HYDIN: variants seen among roughly 807,000 people sequenced by gnomAD.
HYDIN encodes HYDIN axonemal central pair apparatus protein, also known as axonemal central pair apparatus protein HYDIN.
In HYDIN, 132 loss-of-function variants were observed where a neutral mutation model predicts 403.9. The ratio of observed to expected loss-of-function variants is 0.33; its 90% CI spans 0.28 to 0.38. The LOEUF is 0.38. HYDIN is among the 10% of genes least tolerant of loss of function. The probability of loss-of-function intolerance (pLI) is 1.00; values close to 1 mark genes in which losing one functional copy is unlikely to be tolerated. For missense variants in HYDIN, 2,827 were observed against 5,009.5 expected, an observed-to-expected ratio of 0.56 and a Z score of 13.15; for synonymous variants, 1,202 against 1,891.7, an observed-to-expected ratio of 0.64 and a Z score of 9.46.
intron 45 of HYDIN, among the ~76,000 whole-genome samples, chr16:70,930,831 A>G (rs2077298159): frequency 6.6e-6 from 1 of 152,240 alleles, no homozygotes; most frequent in Non-Finnish European, 1.5e-5. Flanking sequence ...GAATTATAAT[A>G]CAATACAGAG....
At chr16:71,067,110 C>T in intron 15 of HYDIN, 180 bp downstream of exon 15, 1 of 598,898 alleles carries the variant, frequency 1.7e-6, no homozygotes, top group Non-Finnish European at 3.0e-6. Flanking sequence ...TTATCTCCAC[C>T]AAAGGTGCTT....
At chr16:71,117,923 A>T (rs934786403) in intron 9 of HYDIN, among the ~76,000 whole-genome samples, 14 of 151,692 alleles carry the variant, frequency 9.2e-5, no homozygotes, top group Non-Finnish European at 1.5e-5. Context: ...CAAGGGCTTA[A>T]GGGGGAGCAG....
chr16:71,051,662 AAAAAAAC>A (rs2081650911), intron 18 of HYDIN, among the ~76,000 whole-genome samples: 4 of 112,276 alleles, frequency 3.6e-5, no homozygotes, highest in African/African-American at 1.3e-4. Context: ...AAAAAAAACA[AAAAAAAC>A]AAAAAAAAGA....
chr16:70,822,708 C>T (rs1229142850), intron 83 of HYDIN, among the ~76,000 whole-genome samples: 1 of 152,198 alleles, frequency 6.6e-6, no homozygotes, highest in African/African-American at 2.4e-5. Context: ...AACCACCACC[C>T]TCATCAGTCA....
At chr16:70,843,046 C>CT (rs201621982) in intron 75 of HYDIN, among the ~76,000 whole-genome samples, 6,723 of 150,682 alleles carry the variant, frequency 0.045, 218 homozygotes, top group Non-Finnish European at 0.065. Context: ...TTTATTTATT[C>CT]TTTTTTTTAT....
intron 18 of HYDIN, among the ~76,000 whole-genome samples, chr16:71,041,617 T>C (rs1480643004): frequency 2.0e-5 from 3 of 152,086 alleles, no homozygotes; most frequent in African/African-American, 2.4e-5. Context: ...GGTAACAAAA[T>C]AGTATTGTCC....
At chr16:71,008,609 T>C (rs909109810) in intron 23 of HYDIN, among the ~76,000 whole-genome samples, 7 of 151,340 alleles carry the variant, frequency 4.6e-5, no homozygotes, top group Non-Finnish European at 8.8e-5. Context: ...ATTTTCCCAA[T>C]GTAAAGATGT....
At chr16:71,017,241 T>C (rs2080292273) in intron 23 of HYDIN, among the ~76,000 whole-genome samples, 1 of 150,668 alleles carries the variant, frequency 6.6e-6, no homozygotes, top group Admixed American at 6.6e-5. Context: ...TCCCAGCTAC[T>C]TGGGAGGCTG....
intron 37 of HYDIN, among the ~76,000 whole-genome samples, 161 bp downstream of exon 37, chr16:70,964,567 C>T (rs1295738434): frequency 6.0e-5 from 9 of 150,362 alleles, no homozygotes; most frequent in Non-Finnish European, 8.9e-5. Flanking sequence ...ATGGGGATAA[C>T]GCGACCCATT....
At chr16:70,980,396 C>A (rs1798541) in intron 29 of HYDIN, among the ~76,000 whole-genome samples, 2 of 151,454 alleles carry the variant, frequency 1.3e-5, no homozygotes, top group African/African-American at 4.9e-5. Context: ...AGTCCCAGCT[C>A]CTCAAGAAGC....
chr16:70,964,466 T>C (rs1412844390), intron 37 of HYDIN, among the ~76,000 whole-genome samples: 3 of 151,948 alleles, frequency 2.0e-5, no homozygotes, highest in African/African-American at 7.2e-5. Context: ...CCAGCAAGTG[T>C]TCTTCCATCT....
chr16:71,216,804 G>A (rs79795079), intron 1 of HYDIN, among the ~76,000 whole-genome samples: 2 of 152,120 alleles, frequency 1.3e-5, no homozygotes, highest in East Asian at 3.9e-4. Flanking sequence ...ATCTATAGTC[G>A]GTCCTGGACA....
chr16:70,997,375 G>T (rs1158341724), intron 23 of HYDIN, among the ~76,000 whole-genome samples: 1 of 139,354 alleles, frequency 7.2e-6, no homozygotes, highest in Non-Finnish European at 1.5e-5. Flanking sequence ...TGGGAGCAGC[G>T]TATGTGTAGG....
intron 7 of HYDIN, among the ~76,000 whole-genome samples, chr16:71,150,211 TAA>T (rs1597888948): frequency 6.6e-6 from 1 of 150,456 alleles, no homozygotes; most frequent in Admixed American, 6.6e-5. Context: ...ACTTGAAAAA[TAA>T]AAGAGGGGAG....
chr16:71,061,861 A>ACTGT, intron 17 of HYDIN, among the ~76,000 whole-genome samples: 1 of 144,124 alleles, frequency 6.9e-6, no homozygotes, highest in South Asian at 2.3e-4. Context: ...CATGTGTGAC[A>ACTGT]GTGTGTGTGT....
chr16:71,097,792 T>C (rs2083317689), intron 10 of HYDIN, among the ~76,000 whole-genome samples: 1 of 149,934 alleles, frequency 6.7e-6, no homozygotes, highest in Admixed American at 6.7e-5. Flanking sequence ...TATGGACATT[T>C]TGAACGTTCA....
At chr16:71,184,771 T>A (rs2087065816) in intron 3 of HYDIN, 94 bp downstream of exon 3, 1 of 1,052,806 alleles carries the variant, frequency 9.5e-7, no homozygotes, top group Non-Finnish European at 1.4e-6. Flanking sequence ...AATAAAGGAT[T>A]AGGTAGCCAA....
chr16:70,890,640 G>A (rs1242868421), intron 57 of HYDIN, among the ~76,000 whole-genome samples: 4 of 151,086 alleles, frequency 2.6e-5, no homozygotes, highest in Admixed American at 6.6e-5. Context: ...CTCAGGAATC[G>A]GTAAAAACCA....
intron 69 of HYDIN, 119 bp from the exon 70 acceptor site, chr16:70,861,020 G>C: frequency 2.8e-6 from 2 of 707,552 alleles, no homozygotes; most frequent in Admixed American, 4.8e-5. Context: ...CAGAGGCTGG[G>C]TCTGTCTTGG....
Sources: gnomAD v4.1 joint callset for allele counts (sites outside exome capture counted in the v4.1 genomes callset) on GRCh38, gnomAD v4.1.1 for gene constraint, MANE v1.5 for transcripts, NCBI Gene and HGNC (gene_info 2026-07-23, HGNC 2026-07-21) for gene names.